Variants in LIG4 observed in about 807,000 individuals in gnomAD.
LIG4 encodes DNA joinase.
In LIG4, 13 loss-of-function variants were observed where a neutral mutation model predicts 19.0. The ratio of observed to expected loss-of-function variants is 0.68; its 90% CI spans 0.44 to 1.09. The LOEUF (loss-of-function observed/expected upper bound fraction) is 1.09, where lower values mean the gene tolerates loss of function less well. Ranked by LOEUF, LIG4 falls within the 50% of genes least tolerant of loss-of-function variation. The pLI, the probability that LIG4 is intolerant of heterozygous loss-of-function variation, is 0.00. For synonymous variants in LIG4, 361 were observed against 358.2 expected, an observed-to-expected ratio of 1.01 and a Z score of -0.09; for missense variants, 1,026 against 1,089.7, an observed-to-expected ratio of 0.94 and a Z score of 0.82.
upstream of LIG4, among the ~76,000 whole-genome samples, chr13:108,217,776 G>A (rs1879385963): frequency 6.6e-6 from 1 of 151,874 alleles, no homozygotes; most frequent in Non-Finnish European, 1.5e-5. Flanking sequence ...AATAAGGAAA[G>A]CCCAAGGGAG....
upstream of LIG4, among the ~76,000 whole-genome samples, chr13:108,215,717 C>T (rs1217173054): frequency 2.6e-5 from 4 of 151,456 alleles, no homozygotes; most frequent in Non-Finnish European, 5.9e-5. Flanking sequence ...ACACACGGCT[C>T]CTATTGGCCT....
At chr13:108,212,921 A>G (rs1261732211) in intron 2 of LIG4, among the ~76,000 whole-genome samples, 1 of 151,992 alleles carries the variant, frequency 6.6e-6, no homozygotes, top group East Asian at 1.9e-4. Context: ...CATACCACAC[A>G]CTCACACACG....
chr13:108,209,343 C>T lies in LIG4; in HGVS notation c.1926G>A (p.Glu642=). The stretch of plus-strand genomic sequence containing the variant: ...TAGTAAGGTTAGGTGCTTTTAAGTG[C>T]TCAATAATTCCAATAACTTTCTTCA... ...PKMKKVIGII[E]HLKAPNLTNV... Residue 642 remains glutamate (E), a synonymous_variant, in exon 3 of 3, where the codon GAG becomes GAA. Coordinates refer to ENST00000442234, the MANE Select transcript of LIG4 (RefSeq NM_206937.2). The T allele has an allele frequency of 3.1e-6, 5 of 1,614,024 alleles. No individual in the cohort carries two copies. Among genetic ancestry groups the T allele is most frequent in the Non-Finnish European group, 4.2e-6 (5 of 1,179,934 alleles).
chr13:108,213,578 T>A (rs2138989758), intron 2 of LIG4, among the ~76,000 whole-genome samples: 1 of 152,300 alleles, frequency 6.6e-6, no homozygotes, highest in Middle Eastern at 3.4e-3. Flanking sequence ...AAGTCAAAGA[T>A]TAGGACTTCC....
At position 108,209,096 on chromosome 13, in the gene LIG4, A is replaced by T; in HGVS notation, c.2173T>A (p.Trp725Arg). The T allele has an allele frequency of 6.2e-7, 1 of 1,614,220 alleles. No individual in the cohort carries two copies. Among genetic ancestry groups the T allele is most frequent in the South Asian group, 1.1e-5 (1 of 91,086 alleles). ...SNKHDVVKPA[W>R]LLECFKTKSF... ...TTGGTCTTAAAACATTCTAAAAGCC[A>T]TGCAGGCTTGACAACATCATGTTTA... The change falls in exon 3 of 3, where the codon TGG becomes AGG. Residue 725 changes from tryptophan (W) to arginine (R), a missense_variant. Coordinates refer to ENST00000442234, the MANE Select transcript of LIG4 (RefSeq NM_206937.2).
At position 108,208,607 on chromosome 13, in the gene LIG4, T is replaced by A. The variant is rs148711190; in HGVS notation, c.2662A>T (p.Ile888Phe). ...TCAGTTACCCAACTTTCTTTTAGGA[T>A]TTTAAACTTTCTCTTAAAAGTTCTT... is the stretch of plus-strand genomic sequence containing the variant. ...FRRTFKRKFK[I>F]LKESWVTDSI... is the part of the protein sequence containing the mutation. The change falls in exon 3 of 3, where the codon ATC becomes TTC. Residue 888 changes from isoleucine (I) to phenylalanine (F), a missense_variant. Transcript: ENST00000442234. 1.5e-5 allele frequency: 24 copies of A among 1,613,234 alleles called. No individual in the cohort carries two copies. The African/African-American group carries it at 2.1e-4, about 14-fold the overall frequency.
Position 108,208,684 on chromosome 13 carries a change from T to C in LIG4, c.2585A>G (p.His862Arg). The C allele has an allele frequency of 6.2e-7, 1 of 1,613,978 alleles. No individual in the cohort carries two copies. The highest frequency in any genetic ancestry group is 1.1e-5 in the South Asian group (1 of 91,082). ...ACTATGATCTTCCCCAATTATTACATGAGACACTCCCTCAGCTAAACAAGA... is the reference window on the plus strand; with the variant it reads ...ACTATGATCTTCCCCAATTATTACACGAGACACTCCCTCAGCTAAACAAGA... Reference protein sequence around the residue: ...VVSCLAEGVSHVIIGEDHSRV... With the variant: ...VVSCLAEGVSRVIIGEDHSRV... Residue 862 changes from histidine to arginine, a missense_variant, in exon 3 of 3, where the codon CAT becomes CGT. Transcript: ENST00000442234.
rs1182427651 is a variant in LIG4 at position 108,209,960 on chromosome 13, T to G, written c.1309A>C (p.Ile437Leu). 2 of 1,613,530 alleles carry G rather than the reference T, an allele frequency of 1.2e-6. No individual in the cohort carries two copies. Among genetic ancestry groups the G allele is most frequent in the African/African-American group, 2.7e-5 (2 of 74,954 alleles). ...EGIMVKQPLS[I>L]YKPDKRGEGW... ...TCACCTCTTTTGTCTGGCTTGTAGATGGATAGAGGTTGTTTTACCATAATT... is the reference window on the plus strand; with the variant it reads ...TCACCTCTTTTGTCTGGCTTGTAGAGGGATAGAGGTTGTTTTACCATAATT... Residue 437 changes from isoleucine (I) to leucine (L), a missense_variant, in exon 3 of 3, where the codon ATC becomes CTC. Physicochemically the swap from Ile to Leu is conservative, Grantham distance 5 (BLOSUM62 2). Around this residue, in one of 3 missense-constraint regions of LIG4, gnomAD observed 493 missense variants for 544.5 expected, o/e 0.91. Transcript: ENST00000442234.
rs1317409403 is a variant in LIG4, at chr13:108,208,682, CAT to C, written c.2585_2586del (p.His862ArgfsTer8). On this transcript the variant is annotated frameshift_variant, in exon 3 of 3. Transcript: ENST00000442234. LOFTEE classifies it high-confidence loss of function. ...VVSCLAEGVS[H>X]VIIGEDHSRV... ...CGACTATGATCTTCCCCAATTATTA[CAT>C]GAGACACTCCCTCAGCTAAACAAGA... 4 of 1,614,054 alleles carry C rather than the reference CAT, an allele frequency of 2.5e-6. No homozygotes were observed. In the African/African-American group the frequency reaches 5.3e-5, roughly 22 times the overall value.
intron 2 of LIG4, among the ~76,000 whole-genome samples, chr13:108,212,661 C>T (rs1342808988): frequency 6.6e-6 from 1 of 151,266 alleles, no homozygotes; most frequent in Non-Finnish European, 1.5e-5. Context: ...TATGTGACTC[C>T]CCATCTTCCA....
intron 2 of LIG4, among the ~76,000 whole-genome samples, chr13:108,212,646 G>C (rs1878789959): frequency 6.6e-6 from 1 of 151,610 alleles, no homozygotes; most frequent in African/African-American, 2.4e-5. Flanking sequence ...TTACAGTGCA[G>C]AAAATATGTG....
At chr13:108,211,395 G>A (rs3093762) in intron 2 of LIG4, 99 bp from the exon 3 acceptor site, 117 of 732,844 alleles carry the variant, frequency 1.6e-4, no homozygotes, top group Non-Finnish European at 2.5e-4. Flanking sequence ...CATAATAAAT[G>A]TTTATTAATG....
Position 108,210,091 on chromosome 13 carries a change from A to C in LIG4, c.1178T>G (p.Phe393Cys). 1 of 1,613,308 alleles carries C rather than the reference A, an allele frequency of 6.2e-7. No homozygotes were observed. Among genetic ancestry groups the C allele is most frequent in the African/African-American group, 1.3e-5 (1 of 75,004 alleles). ...TTCTATTCTACCTGGAATTGGTGTA[A>C]AAATACTACTAAGAATCTCATACCT... ...RKRYEILSSIFTPIPGRIEIV... is the reference protein window; with the variant it reads ...RKRYEILSSICTPIPGRIEIV... Residue 393 changes from phenylalanine (F) to cysteine (C), a missense_variant, in exon 3 of 3, where the codon TTT (phenylalanine) becomes TGT (cysteine). Physicochemically the swap from Phe to Cys is radical, Grantham distance 205. Around this residue, in one of 3 missense-constraint regions of LIG4, gnomAD observed 493 missense variants for 544.5 expected, o/e 0.91. Transcript: ENST00000442234.
intron 2 of LIG4, among the ~76,000 whole-genome samples, chr13:108,213,671 A>C (rs573757961): frequency 6.6e-6 from 1 of 152,324 alleles, no homozygotes; most frequent in South Asian, 2.1e-4. Context: ...ACAAATGAGG[A>C]GGTTCCTGGT....
intron 2 of LIG4, among the ~76,000 whole-genome samples, chr13:108,211,872 T>A (rs1878698164): frequency 6.6e-6 from 1 of 152,072 alleles, no homozygotes; most frequent in South Asian, 2.1e-4. Flanking sequence ...AAAAAACAGG[T>A]ACCCTCTTCT....
At chr13:108,214,250 A>G (rs1878974282) in intron 2 of LIG4, among the ~76,000 whole-genome samples, 1 of 152,218 alleles carries the variant, frequency 6.6e-6, no homozygotes, top group Non-Finnish European at 1.5e-5. Flanking sequence ...TAGGAAACAA[A>G]GGGTTTACAG....
Position 108,210,548 on chromosome 13 carries a change from T to C in LIG4, c.721A>G (p.Thr241Ala), listed in dbSNP as rs202178095. ...PSVGLSDISITLFSAFKPMLA... is the reference protein window; with the variant it reads ...PSVGLSDISIALFSAFKPMLA... The stretch of plus-strand genomic sequence containing the variant: ...ATTGGTTTAAATGCAGAAAATAAAG[T>C]GATAGAAATATCACTGAGTCCTACA... Residue 241 changes from threonine to alanine, a missense_variant, in exon 3 of 3, where the codon ACT becomes GCT. Around this residue, in one of 3 missense-constraint regions of LIG4, gnomAD observed 493 missense variants for 544.5 expected, o/e 0.91. Transcript: ENST00000442234. 1.1e-5 allele frequency: 17 copies of C among 1,612,580 alleles called. No individual in the cohort carries two copies. Among genetic ancestry groups the C allele is most frequent in the Non-Finnish European group, 1.4e-5 (16 of 1,179,902 alleles).
rs372158210 is a variant in LIG4 at position 108,209,356 on chromosome 13, A to G, written c.1913T>C (p.Ile638Thr). 2.9e-5 allele frequency: 47 copies of G among 1,614,138 alleles called. No individual in the cohort carries two copies. The highest frequency in any genetic ancestry group is 5.0e-5 in the Admixed American group (3 of 60,026). Residue 638 changes from isoleucine (I) to threonine (T), a missense_variant, in exon 3 of 3, where the codon ATT (isoleucine) becomes ACT (threonine). Physicochemically the swap from Ile to Thr is moderately conservative, Grantham distance 89 (BLOSUM62 -1). Transcript: ENST00000442234. ...RKAAPKMKKVIGIIEHLKAPN... is the reference protein window; with the variant it reads ...RKAAPKMKKVTGIIEHLKAPN... The stretch of plus-strand genomic sequence containing the variant: ...TGCTTTTAAGTGCTCAATAATTCCA[A>G]TAACTTTCTTCATCTTTGGGGCAGC...
Position 108,208,499 on chromosome 13 carries a change from A to C in LIG4, c.*34T>G, listed in dbSNP as rs369320737. ...TACCACCTGCTGCAATGAGTCTGCC[A>C]GATCAGAGGCTTTCCTCACTAGGAA... On this transcript the variant is annotated 3_prime_UTR_variant, in exon 3 of 3. Transcript: ENST00000442234. 2.0e-4 allele frequency: 271 copies of C among 1,362,788 alleles called. No individual in the cohort carries two copies. In the African/African-American group the frequency reaches 2.9e-3, roughly 15 times the overall value. 84.4% of individuals were successfully genotyped at this position (1,362,788 alleles called of 1,614,324 possible).
Sources: gnomAD v4.1 joint callset for allele counts (sites outside exome capture counted in the v4.1 genomes callset) on GRCh38, gnomAD v4.1.1 for gene constraint, gnomAD v4.1.1 regional missense constraint, MANE v1.5 for transcripts, NCBI Gene and HGNC (gene_info 2026-07-23, HGNC 2026-07-21) for gene names.